KCNJ15: variants seen among roughly 807,000 people sequenced by gnomAD.
KCNJ15 encodes the protein potassium inwardly rectifying channel subfamily J member 15.
KCNJ15 carries 14 observed loss-of-function variants against 23.0 expected under a neutral mutation model. The ratio of observed to expected loss-of-function variants is 0.61; its 90% CI spans 0.40 to 0.95. KCNJ15 has a LOEUF of 0.95. Ranked by LOEUF, KCNJ15 falls within the 40% of genes least tolerant of loss-of-function variation. The pLI, the probability that KCNJ15 is intolerant of heterozygous loss-of-function variation, is 0.00. For missense variants in KCNJ15, 388 were observed against 461.8 expected (o/e 0.84, Z 1.46); for synonymous variants, 185 against 183.2 (o/e 1.01, Z -0.08).
At position 38,299,811 on chromosome 21, in the gene KCNJ15, G is replaced by A. The variant is rs781446791; in HGVS notation, c.550G>A (p.Ala184Thr). The A allele has an allele frequency of 2.5e-6, 4 of 1,614,088 alleles. No homozygotes were observed. The South Asian group carries it at 4.4e-5, about 18-fold the overall frequency. Reference protein sequence around the residue: ...RAETIKFSHCAVITKQNGKLC... With the variant: ...RAETIKFSHCTVITKQNGKLC... ...TGAGACCATCAAGTTCAGCCACTGT[G>A]CAGTCATCACCAAGCAGAATGGGAA... is the stretch of plus-strand genomic sequence containing the variant. Residue 184 changes from alanine to threonine, a missense_variant, in exon 3 of 3, where the codon GCA becomes ACA. Ala to Thr is a moderately conservative substitution (Grantham distance 58). Transcript: ENST00000398938. The surrounding 1 kb of genome is among the most constrained non-coding windows in gnomAD (Gnocchi z 4.5).
chr21:38,273,980 G>A (rs938092357), intron 1 of KCNJ15, among the ~76,000 whole-genome samples: 2 of 152,204 alleles, frequency 1.3e-5, no homozygotes, highest in Non-Finnish European at 2.9e-5. Context: ...TCCACGAGTT[G>A]ATGAGCGTGC....
intron 1 of KCNJ15, among the ~76,000 whole-genome samples, chr21:38,281,376 G>T (rs981710702): frequency 6.6e-6 from 1 of 152,018 alleles, no homozygotes; most frequent in Admixed American, 6.5e-5. Flanking sequence ...AAATCCTGTC[G>T]TGCAGGTAGT....
At chr21:38,291,817 A>C (rs886650324) in intron 1 of KCNJ15, 51 of 152,376 alleles carry the variant, frequency 3.3e-4, no homozygotes, top group African/African-American at 1.0e-3. Flanking sequence ...AGTTAGAGAC[A>C]CAGTGTTGAG....
chr21:38,246,162 C>T (rs1979359785), intron 1 of KCNJ15, among the ~76,000 whole-genome samples: 1 of 152,174 alleles, frequency 6.6e-6, no homozygotes, highest in Admixed American at 6.5e-5. Flanking sequence ...CCACAGCAAA[C>T]CTTCAACAAA....
At chr21:38,245,128 A>G (rs1350328274) in intron 1 of KCNJ15, among the ~76,000 whole-genome samples, 1 of 151,972 alleles carries the variant, frequency 6.6e-6, no homozygotes, top group Non-Finnish European at 1.5e-5. Context: ...GAAGGAAGTC[A>G]GAGAGAGAGG....
chr21:38,288,018 GTTTTTTTCTTTGTTTTTTTT>G (rs1569010866), intron 1 of KCNJ15, among the ~76,000 whole-genome samples: 1 of 26,018 alleles, frequency 3.8e-5, no homozygotes, highest in African/African-American at 9.6e-5. Context: ...TAAATAACTT[GTTTTTTTCTTTGTTTTTTTT>G]TTTTTTTTTT....
At chr21:38,259,547 AT>A (rs1197969137) in intron 1 of KCNJ15, among the ~76,000 whole-genome samples, 1 of 152,214 alleles carries the variant, frequency 6.6e-6, no homozygotes, top group Middle Eastern at 3.2e-3. Flanking sequence ...CACACCGAAA[AT>A]TGTCAGAAAG....
At chr21:38,290,049 C>T (rs191895472) in intron 1 of KCNJ15, among the ~76,000 whole-genome samples, 84 of 152,270 alleles carry the variant, frequency 5.5e-4, no homozygotes, top group Middle Eastern at 3.4e-3. Context: ...GTTGGTCACT[C>T]GTAACAACAG....
At chr21:38,242,630 G>A (rs534301888) in intron 1 of KCNJ15, among the ~76,000 whole-genome samples, 5 of 152,126 alleles carry the variant, frequency 3.3e-5, no homozygotes, top group South Asian at 4.2e-4. Context: ...CCTGACACAC[G>A]CCCAGCATCT....
At chr21:38,252,472 T>C (rs910983039), upstream of KCNJ15, among the ~76,000 whole-genome samples, 1 of 152,196 alleles carries the variant, frequency 6.6e-6, no homozygotes, top group Non-Finnish European at 1.5e-5. Context: ...TCTTTGGAAC[T>C]CAGCAAAAAG....
At chr21:38,248,574 A>G (rs958828308) in intron 1 of KCNJ15, among the ~76,000 whole-genome samples, 2 of 152,068 alleles carry the variant, frequency 1.3e-5, no homozygotes, top group Non-Finnish European at 2.9e-5. Flanking sequence ...GGGCATGCAA[A>G]TTGTTTAAGA....
chr21:38,235,732 A>C (rs1308983807), intron 1 of KCNJ15, among the ~76,000 whole-genome samples: 2 of 152,180 alleles, frequency 1.3e-5, no homozygotes, highest in Non-Finnish European at 2.9e-5. Flanking sequence ...CTCTATCAAT[A>C]ATATGAATGT....
At chr21:38,247,295 T>C (rs1170809036) in intron 1 of KCNJ15, among the ~76,000 whole-genome samples, 2 of 150,424 alleles carry the variant, frequency 1.3e-5, no homozygotes, top group African/African-American at 5.0e-5. Flanking sequence ...GATGGATAGA[T>C]GCATAGGTGG....
chr21:38,307,158 T>A lies in KCNJ15; in HGVS notation c.*6769T>A, dbSNP rs1246077089. 1 of 152,240 alleles carries A rather than the reference T, an allele frequency of 6.6e-6. No homozygotes were observed. The highest frequency in any genetic ancestry group is 2.1e-4 in the South Asian group (1 of 4,830). The allele number at this position is 152,240 out of a possible 1,614,324, so 9.4% of individuals were successfully genotyped here. A position where few individuals can be genotyped will look rare whatever the true frequency, so the allele number is the denominator to read the frequency against. On this transcript the variant is annotated 3_prime_UTR_variant, in exon 3 of 3. Coordinates refer to ENST00000398938, the MANE Select transcript of KCNJ15 (RefSeq NM_170736.3). ...AATCTCACACTAACTGTGGATACTC[T>A]GTCATCACTGAACCCAATCATACAA...
chr21:38,238,680 T>C, intron 1 of KCNJ15: 2 of 498,344 alleles, frequency 4.0e-6, no homozygotes, highest in South Asian at 3.7e-5. Flanking sequence ...ACTGTAATGT[T>C]TTAAACTCTA....
chr21:38,240,724 C>T (rs973038947), intron 1 of KCNJ15, among the ~76,000 whole-genome samples: 2 of 152,176 alleles, frequency 1.3e-5, no homozygotes, highest in African/African-American at 2.4e-5. Flanking sequence ...CTTGACCAAA[C>T]ATTATTTTCA....
intron 1 of KCNJ15, among the ~76,000 whole-genome samples, chr21:38,266,754 G>A (rs1025321252): frequency 2.0e-5 from 3 of 152,160 alleles, no homozygotes; most frequent in African/African-American, 7.2e-5. Context: ...CCTCACACAG[G>A]CAGGCTTTCT....
chr21:38,250,738 C>T (rs1283644061), intron 1 of KCNJ15, among the ~76,000 whole-genome samples: 1 of 152,180 alleles, frequency 6.6e-6, no homozygotes, highest in African/African-American at 2.4e-5. Context: ...GATCATCAGT[C>T]AAGCACCAAT....
intron 1 of KCNJ15, among the ~76,000 whole-genome samples, chr21:38,268,277 A>G (rs1317845400): frequency 3.9e-5 from 6 of 152,274 alleles, no homozygotes; most frequent in East Asian, 3.9e-4. Flanking sequence ...CTTCAGAACA[A>G]TCGGTTGCCA....
Sources: gnomAD v4.1 joint callset for allele counts (sites outside exome capture counted in the v4.1 genomes callset) on GRCh38, gnomAD v4.1.1 for gene constraint, Gnocchi (gnomAD v3.1) non-coding constraint, MANE v1.5 for transcripts, NCBI Gene and HGNC (gene_info 2026-07-23, HGNC 2026-07-21) for gene names.